The following PITPNC1 variants were observed in gnomAD, a reference collection of about 807,000 sequenced individuals.
PITPNC1 encodes phosphatidylinositol transfer protein cytoplasmic 1.
Under a neutral mutation model 44.7 loss-of-function variants are expected in PITPNC1, and 18 were observed. That is an observed-to-expected ratio of 0.40 (90% CI 0.28 to 0.60). PITPNC1 has a LOEUF of 0.60. PITPNC1 is among the 20% of genes least tolerant of loss of function. The pLI is 0.39. For missense variants in PITPNC1, 290 were observed against 418.4 expected, an observed-to-expected ratio of 0.69 and a Z score of 2.68; for synonymous variants, 141 against 149.6, an observed-to-expected ratio of 0.94 and a Z score of 0.42.
At chr17:67,601,390 T>G (rs1264718817) in intron 5 of PITPNC1, among the ~76,000 whole-genome samples, 32 of 152,072 alleles carry the variant, frequency 2.1e-4, no homozygotes, top group Non-Finnish European at 8.8e-5. Flanking sequence ...TGATACAATG[T>G]TATACATTAA....
chr17:67,591,891 T>G lies in PITPNC1; in HGVS notation c.366+13634T>G, dbSNP rs996549514. 1.6e-4 allele frequency among the ~76,000 whole-genome samples: 24 copies of G among 151,506 alleles called. No homozygotes were observed. The East Asian group carries it at 4.5e-3, about 28-fold the overall frequency. On this transcript the variant is annotated intron_variant, in intron 5 of 8. Transcript: ENST00000581322. ...TGCCCAGCTAATTTTTTTTTTTTTT[T>G]TGTAGAGATGGGCATCTCGCTGTGT...
intron 1 of PITPNC1, among the ~76,000 whole-genome samples, chr17:67,499,808 C>A (rs756580793): frequency 1.3e-5 from 2 of 152,168 alleles, no homozygotes; most frequent in African/African-American, 4.8e-5. Flanking sequence ...AACATAGGTG[C>A]GTAGTAGGCT....
intron 5 of PITPNC1, among the ~76,000 whole-genome samples, chr17:67,631,657 A>AATATATATATATATATATAT (rs1555574521): frequency 1.6e-3 from 12 of 7,674 alleles, no homozygotes; most frequent in African/African-American, 2.9e-3. Context: ...AAAAAAAAAA[A>AATATATATATATATATATAT]ATATATATAT....
chr17:67,460,895 C>T (rs983343581), intron 1 of PITPNC1, among the ~76,000 whole-genome samples: 2 of 151,368 alleles, frequency 1.3e-5, no homozygotes, highest in African/African-American at 2.4e-5. Flanking sequence ...GCGCGCGCCA[C>T]CATGCCTGGC....
chr17:67,405,490 A>C (rs185004104), intron 1 of PITPNC1, among the ~76,000 whole-genome samples: 6 of 152,260 alleles, frequency 3.9e-5, no homozygotes, highest in Admixed American at 2.0e-4. Flanking sequence ...TGCTGTTCAA[A>C]AATTTTTATT....
intron 1 of PITPNC1, among the ~76,000 whole-genome samples, chr17:67,488,996 C>T (rs955034031): frequency 6.6e-6 from 1 of 152,146 alleles, no homozygotes; most frequent in South Asian, 2.1e-4. Flanking sequence ...TCCATCCCTC[C>T]GTGGATGGAC....
intron 1 of PITPNC1, among the ~76,000 whole-genome samples, chr17:67,452,841 T>A (rs747497863): frequency 2.0e-5 from 3 of 152,218 alleles, no homozygotes; most frequent in African/African-American, 4.8e-5. Flanking sequence ...CAGGCTGTTT[T>A]CCAAAGTAGT....
chr17:67,525,845 C>T (rs912908075), intron 1 of PITPNC1, among the ~76,000 whole-genome samples: 3 of 152,194 alleles, frequency 2.0e-5, no homozygotes, highest in Non-Finnish European at 4.4e-5. Flanking sequence ...CTCTGCTTTT[C>T]CAACATAGCC....
intron 1 of PITPNC1, among the ~76,000 whole-genome samples, chr17:67,529,879 C>T (rs2040437969): frequency 6.6e-6 from 1 of 152,054 alleles, no homozygotes; most frequent in Non-Finnish European, 1.5e-5. Context: ...GCCTGGTAGG[C>T]GGAGGTTGTG....
intron 1 of PITPNC1, among the ~76,000 whole-genome samples, chr17:67,523,640 C>T (rs1376498816): frequency 3.3e-5 from 5 of 151,898 alleles, no homozygotes; most frequent in African/African-American, 1.2e-4. Flanking sequence ...GCTGGCTTCA[C>T]ATTTTCATTT....
chr17:67,539,630 A>C (rs893904898), intron 2 of PITPNC1, among the ~76,000 whole-genome samples: 1 of 152,216 alleles, frequency 6.6e-6, no homozygotes, highest in Non-Finnish European at 1.5e-5. Flanking sequence ...CGAGGTCAGG[A>C]GATCGAGACC....
intron 5 of PITPNC1, among the ~76,000 whole-genome samples, chr17:67,603,144 G>C (rs922134636): frequency 3.3e-5 from 5 of 152,164 alleles, no homozygotes; most frequent in African/African-American, 1.2e-4. Flanking sequence ...AGGTTTCAAA[G>C]TCAGAGCCAC....
At chr17:67,660,926 T>C (rs2144385585) in intron 6 of PITPNC1, among the ~76,000 whole-genome samples, 1 of 151,582 alleles carries the variant, frequency 6.6e-6, no homozygotes, top group East Asian at 1.9e-4. Flanking sequence ...TGATGCGATC[T>C]TGGCTTGCTG....
At chr17:67,601,245 C>T (rs781730468) in intron 5 of PITPNC1, among the ~76,000 whole-genome samples, 5 of 152,206 alleles carry the variant, frequency 3.3e-5, no homozygotes, top group East Asian at 1.9e-4. Context: ...AGACAGATCA[C>T]GTACAAAGGG....
intron 1 of PITPNC1, among the ~76,000 whole-genome samples, chr17:67,470,032 C>T (rs2039494600): frequency 6.6e-6 from 1 of 152,086 alleles, no homozygotes; most frequent in Non-Finnish European, 1.5e-5. Flanking sequence ...AAGCGATTCT[C>T]CTGCCTCAGC....
intron 1 of PITPNC1, among the ~76,000 whole-genome samples, chr17:67,404,812 C>A (rs2038371109): frequency 6.6e-6 from 1 of 152,126 alleles, no homozygotes; most frequent in South Asian, 2.1e-4. Flanking sequence ...AGCTGGTGGC[C>A]AGGCATGGTG....
intron 4 of PITPNC1, among the ~76,000 whole-genome samples, chr17:67,567,210 G>A (rs1321696295): frequency 2.6e-5 from 4 of 152,154 alleles, no homozygotes; most frequent in Non-Finnish European, 5.9e-5. Flanking sequence ...GACAGGCCAG[G>A]CGCGGTGGCT....
chr17:67,454,544 C>T (rs1021170857), intron 1 of PITPNC1, among the ~76,000 whole-genome samples: 3 of 151,978 alleles, frequency 2.0e-5, no homozygotes, highest in Non-Finnish European at 4.4e-5. Flanking sequence ...AGTATGAAAA[C>T]GGGTGGCAGG....
At position 67,513,820 on chromosome 17, in the gene PITPNC1, G is replaced by T. The variant is rs78699257; in HGVS notation, c.49-18982G>T. ...TTCCTCCCACTGCTTAGCATCCTATGGATCTATCATTCTTTAAAATCGTTA... is the reference window on the plus strand; with the variant it reads ...TTCCTCCCACTGCTTAGCATCCTATTGATCTATCATTCTTTAAAATCGTTA... On this transcript the variant is annotated intron_variant, in intron 1 of 8. Coordinates refer to ENST00000581322, the MANE Select transcript of PITPNC1 (RefSeq NM_012417.4). Among the ~76,000 whole-genome samples the T allele has an allele frequency of 3.5e-3, 534 of 152,148 alleles. 7 individuals are homozygous for T. The highest frequency in any genetic ancestry group is 0.022 in the South Asian group (108 of 4,816).
Sources: allele counts gnomAD v4.1 joint callset (sites outside exome capture counted in the v4.1 genomes callset), GRCh38; gene constraint gnomAD v4.1.1; transcripts MANE v1.5; gene names NCBI Gene and HGNC (gene_info 2026-07-23, HGNC 2026-07-21).